CFLAR: variants seen among roughly 807,000 people sequenced by gnomAD.
The protein encoded by CFLAR is CASP8 and FADD-like apoptosis regulator.
Under a neutral mutation model 51.1 loss-of-function variants are expected in CFLAR, and 14 were observed. The ratio of observed to expected loss-of-function variants is 0.27; its 90% confidence interval spans 0.18 to 0.43. The LOEUF is 0.43. Ranked by LOEUF, CFLAR falls within the 20% of genes least tolerant of loss-of-function variation. CFLAR has a pLI of 1.00. For synonymous variants in CFLAR, 210 were observed against 211.6 expected (o/e 0.99, Z 0.06); for missense variants, 390 against 566.5 (o/e 0.69, Z 3.16).
At chr2:201,130,290 C>A in intron 2 of CFLAR, 144 bp downstream of exon 2, 1 of 567,618 alleles carries the variant, frequency 1.8e-6, no homozygotes, top group Non-Finnish European at 2.8e-6. Flanking sequence ...GATGATGTCA[C>A]TTCATTCCTG....
intron 1 of CFLAR, among the ~76,000 whole-genome samples, chr2:201,120,972 G>C (rs1575589074): frequency 6.6e-6 from 1 of 152,134 alleles, no homozygotes; most frequent in East Asian, 1.9e-4. Flanking sequence ...AACTCCTTCA[G>C]CATTTACTGA....
At chr2:201,131,392 T>C (rs2049304717) in intron 2 of CFLAR, among the ~76,000 whole-genome samples, 1 of 151,814 alleles carries the variant, frequency 6.6e-6, no homozygotes, top group Non-Finnish European at 1.5e-5. Flanking sequence ...CGCACCACTA[T>C]GTCTGGCTAA....
chr2:201,132,430 A>ATATAT (rs371824673), intron 2 of CFLAR, among the ~76,000 whole-genome samples: 2 of 137,960 alleles, frequency 1.4e-5, no homozygotes, highest in South Asian at 2.3e-4. Context: ...GGGGGGGAAA[A>ATATAT]ATATATATAT....
At chr2:201,155,678 CA>C (rs1575889266) in intron 8 of CFLAR, among the ~76,000 whole-genome samples, 2 of 152,074 alleles carry the variant, frequency 1.3e-5, no homozygotes, top group East Asian at 3.9e-4. Flanking sequence ...GAATGGAGCA[CA>C]GGGGTACAAT....
chr2:201,156,625 T>C (rs1942220226), intron 8 of CFLAR, among the ~76,000 whole-genome samples: 1 of 152,214 alleles, frequency 6.6e-6, no homozygotes, highest in South Asian at 2.1e-4. Context: ...TTGGTTTATC[T>C]GTGAAGTCCT....
chr2:201,119,479 CT>C (rs1305314848), intron 1 of CFLAR, among the ~76,000 whole-genome samples: 3 of 152,098 alleles, frequency 2.0e-5, no homozygotes, highest in Non-Finnish European at 4.4e-5. Flanking sequence ...TTTGTCTTTT[CT>C]TTTAGTATGC....
chr2:201,133,243 A>T, intron 3 of CFLAR, 109 bp downstream of exon 3: 2 of 718,218 alleles, frequency 2.8e-6, no homozygotes, highest in Non-Finnish European at 4.9e-6. Flanking sequence ...CTATAGTGGG[A>T]GTCAGACATC....
chr2:201,160,215 G>T (rs1405726025), intron 8 of CFLAR, among the ~76,000 whole-genome samples: 1 of 152,168 alleles, frequency 6.6e-6, no homozygotes. Flanking sequence ...CAGTGGTATA[G>T]CAGGGTATAG....
chr2:201,131,100 GCT>G (rs1377377853), intron 2 of CFLAR, among the ~76,000 whole-genome samples: 2 of 152,178 alleles, frequency 1.3e-5, no homozygotes, highest in Admixed American at 6.5e-5. Flanking sequence ...ACTGGAGTCT[GCT>G]TTAGTTCCCA....
chr2:201,136,502 C>T (rs1246773218), intron 4 of CFLAR: 2 of 1,575,508 alleles, frequency 1.3e-6, no homozygotes, highest in African/African-American at 2.7e-5. Context: ...GGGTCTCATA[C>T]CTTCCTTGCA....
rs1323254925 is a variant in CFLAR at position 201,175,386 on chromosome 2, G to A, written c.*11413G>A. ...TGCCTGTAATCCCAGGACTTTGGGA[G>A]GCTGAGGATGGTGGATCGCTTGAGC... On this transcript the variant is annotated 3_prime_UTR_variant, in exon 10 of 10. Transcript: ENST00000309955. The A allele has an allele frequency of 6.6e-6, 1 of 152,344 alleles. No homozygotes were observed. Among genetic ancestry groups the A allele is most frequent in the East Asian group, 1.9e-4 (1 of 5,186 alleles). 9.4% of individuals were successfully genotyped at this position (152,344 alleles called of 1,614,324 possible). A position where few individuals can be genotyped will look rare whatever the true frequency, so the allele number is the denominator to read the frequency against.
intron 4 of CFLAR, chr2:201,138,000 G>C (rs1443659362): frequency 2.7e-6 from 2 of 739,314 alleles, no homozygotes; most frequent in African/African-American, 1.7e-5. Context: ...AAAGTTCTGG[G>C]TATGCTTGGC....
At chr2:201,158,759 A>G (rs1285594651) in intron 8 of CFLAR, among the ~76,000 whole-genome samples, 1 of 152,046 alleles carries the variant, frequency 6.6e-6, no homozygotes, top group African/African-American at 2.4e-5. Flanking sequence ...TTAAAATTTA[A>G]TGATACTCCC....
At chr2:201,155,326 C>T (rs964228432) in intron 8 of CFLAR, among the ~76,000 whole-genome samples, 1 of 151,182 alleles carries the variant, frequency 6.6e-6, no homozygotes, top group Admixed American at 6.6e-5. Context: ...AGTGCAATGG[C>T]GTTATCTTGG....
chr2:201,132,181 G>A (rs922764261), intron 2 of CFLAR, among the ~76,000 whole-genome samples: 2 of 152,016 alleles, frequency 1.3e-5, no homozygotes, highest in Non-Finnish European at 2.9e-5. Context: ...GGTTGCGGGG[G>A]CAGTTGAAGA....
intron 3 of CFLAR, among the ~76,000 whole-genome samples, chr2:201,133,920 C>T (rs1169753736): frequency 1.8e-5 from 2 of 110,606 alleles, no homozygotes; most frequent in African/African-American, 3.8e-5. Context: ...GACAGCAAGA[C>T]TCCATCTCAA....
At position 201,132,976 on chromosome 2, in the gene CFLAR, G is replaced by A. The variant is rs1054386096; in HGVS notation, c.282-53G>A. The A allele has an allele frequency of 4.4e-6, 7 of 1,573,592 alleles. No homozygotes were observed. In the South Asian group the frequency reaches 5.7e-5, roughly 13 times the overall value. On this transcript the variant is annotated intron_variant, in intron 2 of 9. Coordinates refer to ENST00000309955, the MANE Select transcript of CFLAR (RefSeq NM_003879.7). ...CATAGGGGAGGCGTGGGCACTTGGA[G>A]TTGTCTTAGGACTGATGTCTGAATT...
intron 1 of CFLAR, among the ~76,000 whole-genome samples, chr2:201,120,023 C>CT (rs34076189): frequency 0.016 from 1,803 of 112,316 alleles, 55 homozygotes; most frequent in African/African-American, 0.05. Flanking sequence ...CTTTTCTTTT[C>CT]TTTTTTTTTT....
At position 201,170,176 on chromosome 2, in the gene CFLAR, TCACAATAGCAAAGA is replaced by T. The variant is rs1224404507; in HGVS notation, c.*6216_*6229del. On this transcript the variant is annotated 3_prime_UTR_variant, in exon 10 of 10. Coordinates refer to ENST00000309955, the MANE Select transcript of CFLAR (RefSeq NM_003879.7). Reference sequence around the variant, plus strand: ...ACATTTTTGTTCATTGCAGCACTCTTCACAATAGCAAAGACACAATAGCAAATGCCCATCAAAGA... The same window carrying T: ...ACATTTTTGTTCATTGCAGCACTCTTCACAATAGCAAATGCCCATCAAAGA... The T allele has an allele frequency of 2.0e-5, 3 of 152,166 alleles. No homozygotes were observed. The highest frequency in any genetic ancestry group is 2.9e-5 in the Non-Finnish European group (2 of 68,026). The allele number at this position is 152,166 out of a possible 1,614,324, so 9.4% of individuals were successfully genotyped here. A position where few individuals can be genotyped will look rare whatever the true frequency, so the allele number is the denominator to read the frequency against.
Sources: gnomAD v4.1 joint callset for allele counts (sites outside exome capture counted in the v4.1 genomes callset) on GRCh38, gnomAD v4.1.1 for gene constraint, MANE v1.5 for transcripts, NCBI Gene and HGNC (gene_info 2026-07-23, HGNC 2026-07-21) for gene names.